The following ERMP1 variants were observed in gnomAD, a reference collection of about 807,000 sequenced individuals.
ERMP1 encodes the protein endoplasmic reticulum metallopeptidase 1.
ERMP1 carries 86 observed loss-of-function variants against 92.0 expected under a neutral mutation model. That is an observed-to-expected ratio of 0.93 (90% CI 0.79 to 1.12). The LOEUF (loss-of-function observed/expected upper bound fraction) is 1.12, where lower values mean the gene tolerates loss of function less well. ERMP1 is among the 50% of genes most tolerant of loss of function. ERMP1 has a pLI of 0.00. For synonymous variants in ERMP1, 530 were observed against 412.8 expected, an observed-to-expected ratio of 1.28 and a Z score of -3.44; for missense variants, 1,342 against 1,116.3, an observed-to-expected ratio of 1.20 and a Z score of -2.88.
chr9:5,863,580 C>T (rs1373009661), intron 5 of ERMP1, among the ~76,000 whole-genome samples: 1 of 152,158 alleles, frequency 6.6e-6, no homozygotes, highest in Non-Finnish European at 1.5e-5. Context: ...GTCCTCCTTC[C>T]CTGTCTGGGT....
intron 4 of ERMP1, among the ~76,000 whole-genome samples, chr9:5,815,045 A>G (rs565714776): frequency 1.2e-3 from 182 of 152,312 alleles, no homozygotes; most frequent in African/African-American, 4.2e-3. Flanking sequence ...AAAAGGTTGG[A>G]AAATACACAA....
chr9:5,862,070 C>G (rs894787204), intron 5 of ERMP1, among the ~76,000 whole-genome samples: 2 of 152,054 alleles, frequency 1.3e-5, no homozygotes, highest in African/African-American at 4.8e-5. Flanking sequence ...CCTTCTGTCA[C>G]CCCAGCTGGA....
At chr9:5,809,880 G>A (rs1282164769) in intron 8 of ERMP1, 131 bp downstream of exon 8, 5 of 635,914 alleles carry the variant, frequency 7.9e-6, no homozygotes, top group African/African-American at 3.6e-5. Context: ...ACACAGTGTA[G>A]GTGCGTTTTC....
chr9:5,812,991 T>C lies in ERMP1; in HGVS notation c.919A>G (p.Lys307Glu), dbSNP rs750924259. 1 of 1,614,062 alleles carries C rather than the reference T, an allele frequency of 6.2e-7. No individual in the cohort carries two copies. Among genetic ancestry groups the C allele is most frequent in the East Asian group, 2.2e-5 (1 of 44,872 alleles). Residue 307 changes from lysine to glutamate, a missense_variant, in exon 5 of 15, where the codon AAA (lysine) becomes GAA (glutamate). Transcript: ENST00000339450. ...WLVQAYVSAA[K>E]HPFASVVAQE... is the part of the protein sequence containing the mutation. ...GCCACCACAGAAGCAAAAGGGTGTT[T>C]AGCTGCTGAAACATAAGCTTGAACC...
At position 5,805,264 on chromosome 9, in the gene ERMP1, G is replaced by A. The variant is rs373404219; in HGVS notation, c.1724-47C>T. On this transcript the variant is annotated intron_variant, in intron 9 of 14. Transcript: ENST00000339450. ...GCACACATCTATGAAATCCTCCAGT[G>A]AGATATAAATTTTTATAGTACTGGT... 139 of 1,442,746 alleles carry A rather than the reference G, an allele frequency of 9.6e-5. No homozygotes were observed. In the African/African-American group the frequency reaches 1.6e-3, roughly 17 times the overall value. 89.4% of individuals were successfully genotyped at this position (1,442,746 alleles called of 1,614,324 possible). A position where few individuals can be genotyped will look rare whatever the true frequency, so the allele number is the denominator to read the frequency against.
At chr9:5,806,158 G>C (rs1239146268) in intron 8 of ERMP1, among the ~76,000 whole-genome samples, 1 of 152,162 alleles carries the variant, frequency 6.6e-6, no homozygotes, top group Non-Finnish European at 1.5e-5. Flanking sequence ...GCAAACTAGA[G>C]AAATGACCTG....
intron 2 of ERMP1, among the ~76,000 whole-genome samples, chr9:5,826,071 G>T (rs898302699): frequency 3.3e-5 from 5 of 152,132 alleles, no homozygotes; most frequent in Non-Finnish European, 7.4e-5. Flanking sequence ...CTTTTAGAGA[G>T]GAACTGATAT....
At chr9:5,804,949 A>C in intron 10 of ERMP1, 78 bp downstream of exon 10, 1 of 1,111,120 alleles carries the variant, frequency 9.0e-7, no homozygotes, top group South Asian at 1.5e-5. Context: ...ACGTAACACT[A>C]TTTCACAGAA....
chr9:5,804,643 T>C (rs1266316162), intron 10 of ERMP1, among the ~76,000 whole-genome samples: 1 of 152,166 alleles, frequency 6.6e-6, no homozygotes, highest in African/African-American at 2.4e-5. Context: ...AAACCACCCA[T>C]GTATCTATTA....
upstream of ERMP1, among the ~76,000 whole-genome samples, chr9:5,837,545 C>G (rs1488750697): frequency 6.6e-6 from 1 of 152,090 alleles, no homozygotes; most frequent in African/African-American, 2.4e-5. Flanking sequence ...AACTTCTATA[C>G]ATCAAAAACA....
intron 13 of ERMP1, among the ~76,000 whole-genome samples, chr9:5,788,148 C>G (rs200372283): frequency 2.0e-5 from 3 of 152,094 alleles, no homozygotes; most frequent in Non-Finnish European, 4.4e-5. Context: ...TAAAACTAAA[C>G]AAAAACACAC....
intron 6 of ERMP1, among the ~76,000 whole-genome samples, chr9:5,845,551 T>C (rs1462139248): frequency 6.6e-6 from 1 of 152,316 alleles, no homozygotes; most frequent in Non-Finnish European, 1.5e-5. Flanking sequence ...ATCGATAGAT[T>C]ATCTGGAGTT....
At chr9:5,818,996 A>C (rs2131254598) in intron 4 of ERMP1, among the ~76,000 whole-genome samples, 1 of 152,348 alleles carries the variant, frequency 6.6e-6, no homozygotes, top group Non-Finnish European at 1.5e-5. Context: ...TTCTCAAATA[A>C]AACTGTTTAA....
At chr9:5,793,229 G>T (rs1226599002) in intron 13 of ERMP1, among the ~76,000 whole-genome samples, 1 of 151,340 alleles carries the variant, frequency 6.6e-6, no homozygotes, top group African/African-American at 2.4e-5. Context: ...TTGCATAGCT[G>T]TAAATGTGTA....
chr9:5,863,997 A>G (rs986998172), intron 5 of ERMP1, among the ~76,000 whole-genome samples: 3 of 152,186 alleles, frequency 2.0e-5, no homozygotes, highest in Non-Finnish European at 4.4e-5. Context: ...TTCTATAAAC[A>G]TCACCATACT....
In ERMP1 at chr9:5,809,221, C is replaced by T. The variant is rs368840520; in HGVS notation, c.1548+790G>A. On this transcript the variant is annotated intron_variant, in intron 8 of 14. Transcript: ENST00000339450. ...ATTTTTAGTAGAGACGGGGTTTCAC[C>T]GTGTTAGCCAGGATGGTCTCGATCT... Among the ~76,000 whole-genome samples the T allele has an allele frequency of 4.9e-3, 743 of 151,772 alleles. 9 individuals carry two copies. Among genetic ancestry groups the T allele is most frequent in the African/African-American group, 0.017 (691 of 41,336 alleles).
At chr9:5,789,049 T>C (rs560705012) in intron 13 of ERMP1, among the ~76,000 whole-genome samples, 2 of 152,036 alleles carry the variant, frequency 1.3e-5, no homozygotes, top group African/African-American at 4.8e-5. Context: ...TCAGAAAAAA[T>C]ATTCATTTGG....
At chr9:5,794,479 A>C (rs1466980861) in intron 13 of ERMP1, among the ~76,000 whole-genome samples, 1 of 152,138 alleles carries the variant, frequency 6.6e-6, no homozygotes, top group East Asian at 1.9e-4. Context: ...TTCTTAGAAA[A>C]GATCAATAAA....
chr9:5,801,132 G>C, intron 11 of ERMP1, 44 bp downstream of exon 11: 2 of 1,573,232 alleles, frequency 1.3e-6, no homozygotes, highest in Non-Finnish European at 1.7e-6. Context: ...AAACACACAG[G>C]GCTTCCTTTC....
Sources: gnomAD v4.1 joint callset for allele counts (sites outside exome capture counted in the v4.1 genomes callset) on GRCh38, gnomAD v4.1.1 for gene constraint, MANE v1.5 for transcripts, NCBI Gene and HGNC (gene_info 2026-07-23, HGNC 2026-07-21) for gene names.